The following TLN2 variants were observed in gnomAD, a reference collection of about 807,000 sequenced individuals.
TLN2 encodes talin-2.
A neutral mutation model predicts 294.7 loss-of-function variants in TLN2; 118 were observed. The ratio of observed to expected loss-of-function variants is 0.40; its 90% confidence interval spans 0.34 to 0.47. TLN2 has a LOEUF of 0.47. Among genes scored for constraint, TLN2 ranks in the 20% least tolerant of loss-of-function variants. The pLI, the probability that TLN2 is intolerant of heterozygous loss-of-function variation, is 0.84. For missense variants in TLN2, 3,083 were observed against 3,282.2 expected, an observed-to-expected ratio of 0.94 and a Z score of 1.48; for synonymous variants, 1,431 against 1,304.5, an observed-to-expected ratio of 1.10 and a Z score of -2.09.
intron 12 of TLN2, among the ~76,000 whole-genome samples, chr15:62,689,677 C>CT (rs2057610117): frequency 2.0e-5 from 3 of 151,546 alleles, no homozygotes; most frequent in African/African-American, 2.4e-5. Flanking sequence ...CAGTTCCTTT[C>CT]TTTTAGTATC....
At chr15:62,501,573 A>G (rs1217761594) in intron 1 of TLN2, among the ~76,000 whole-genome samples, 1 of 152,224 alleles carries the variant, frequency 6.6e-6, no homozygotes, top group Non-Finnish European at 1.5e-5. Flanking sequence ...CACACTTTGA[A>G]TAGTAAGACC....
chr15:62,753,683 A>G (rs2062063474), intron 35 of TLN2, 90 bp from the exon 36 acceptor site: 1 of 1,457,890 alleles, frequency 6.9e-7, no homozygotes, highest in African/African-American at 1.4e-5. Flanking sequence ...CCTGAGTGTG[A>G]CAGCTGCATG....
rs1567686580 is a variant in TLN2 at position 62,825,776 on chromosome 15, AATATAT to A, written c.7002+5167_7002+5172del. On this transcript the variant is annotated intron_variant, in intron 54 of 58. Transcript: ENST00000636159. ...ATATAATTATAATTATATATTATAT[AATATAT>A]TATATATTATAATATATATTATATA... Among the ~76,000 whole-genome samples, 127 of 28,686 alleles carry A rather than the reference AATATAT, an allele frequency of 4.4e-3. 13 individuals are homozygous for A. Among genetic ancestry groups the A allele is most frequent in the African/African-American group, 0.015 (122 of 8,020 alleles). The allele number at this position is 28,686 out of a possible 152,430, so 18.8% of individuals were successfully genotyped here. A position where few individuals can be genotyped will look rare whatever the true frequency, so the allele number is the denominator to read the frequency against.
intron 20 of TLN2, 36 bp downstream of exon 20, chr15:62,707,289 T>G: frequency 6.4e-7 from 1 of 1,566,548 alleles, no homozygotes; most frequent in Non-Finnish European, 8.7e-7. Context: ...TTCTACCCAG[T>G]ATCACCTGCT....
chr15:62,472,391 TC>T (rs995687212), intron 1 of TLN2, among the ~76,000 whole-genome samples: 2 of 152,190 alleles, frequency 1.3e-5, no homozygotes, highest in African/African-American at 4.8e-5. Flanking sequence ...TAGTGTGAGT[TC>T]CTGATAGGCA....
At chr15:62,824,405 A>G (rs1596134368) in intron 54 of TLN2, among the ~76,000 whole-genome samples, 1 of 152,300 alleles carries the variant, frequency 6.6e-6, no homozygotes, top group East Asian at 1.9e-4. Flanking sequence ...GTTCATTTTT[A>G]TCCTGATCTT....
At position 62,792,565 on chromosome 15, in the gene TLN2, A is replaced by G. The variant is rs191555988; in HGVS notation, c.5737-76A>G. ...CAGGCTCCCATAGGACATAGGAGAA[A>G]TTTTCCACGTAGGGAAGGCCTCGAT... On this transcript the variant is annotated intron_variant, in intron 45 of 58. Coordinates refer to ENST00000636159, the MANE Select transcript of TLN2 (RefSeq NM_015059.3). 7 of 1,564,008 alleles carry G rather than the reference A, an allele frequency of 4.5e-6. No individual in the cohort carries two copies. In the Admixed American group the frequency reaches 7.4e-5, roughly 17 times the overall value.
intron 1 of TLN2, among the ~76,000 whole-genome samples, chr15:62,478,835 T>C (rs1280877464): frequency 1.3e-5 from 2 of 152,242 alleles, no homozygotes; most frequent in Non-Finnish European, 2.9e-5. Flanking sequence ...TAAATTTTCA[T>C]TAGGCTTCTC....
chr15:62,680,678 A>T (rs2056746372), intron 11 of TLN2, among the ~76,000 whole-genome samples: 1 of 151,786 alleles, frequency 6.6e-6, no homozygotes, highest in African/African-American at 2.4e-5. Context: ...TGCTCCTGTC[A>T]CCCAAGCAGT....
At chr15:62,409,350 T>G (rs1167344559) in intron 1 of TLN2, among the ~76,000 whole-genome samples, 1 of 152,158 alleles carries the variant, frequency 6.6e-6, no homozygotes, top group Non-Finnish European at 1.5e-5. Flanking sequence ...CAGTCCTGCT[T>G]TTTACCAGAA....
At chr15:62,460,638 G>C (rs765010512) in intron 1 of TLN2, among the ~76,000 whole-genome samples, 14 of 152,198 alleles carry the variant, frequency 9.2e-5, no homozygotes, top group Non-Finnish European at 1.8e-4. Flanking sequence ...TCAGGTGCCA[G>C]TCCTCATGAT....
At chr15:62,758,119 C>T (rs1595894623) in intron 37 of TLN2, among the ~76,000 whole-genome samples, 2 of 152,074 alleles carry the variant, frequency 1.3e-5, no homozygotes, top group South Asian at 2.1e-4. Flanking sequence ...GAGGATGTGC[C>T]CAAGCCTAAA....
intron 1 of TLN2, among the ~76,000 whole-genome samples, chr15:62,494,936 C>G (rs966406838): frequency 3.9e-5 from 6 of 152,116 alleles, no homozygotes; most frequent in African/African-American, 1.4e-4. Flanking sequence ...TCCTTTTTCT[C>G]TGTTCCCGGA....
chr15:62,405,171 T>TA (rs1377717997), intron 1 of TLN2, among the ~76,000 whole-genome samples: 1 of 152,194 alleles, frequency 6.6e-6, no homozygotes, highest in Non-Finnish European at 1.5e-5. Flanking sequence ...AACCTGTCTG[T>TA]AATTCAGGGT....
chr15:62,614,496 A>G (rs1223388949), intron 2 of TLN2, among the ~76,000 whole-genome samples: 1 of 152,090 alleles, frequency 6.6e-6, no homozygotes, highest in Non-Finnish European at 1.5e-5. Flanking sequence ...CCTTTAAAAA[A>G]AATTATAGTT....
In TLN2 at chr15:62,739,562, T is replaced by C. The variant is rs1282995767; in HGVS notation, c.3885+17T>C. The C allele has an allele frequency of 6.2e-7, 1 of 1,613,684 alleles. No individual in the cohort carries two copies. Among genetic ancestry groups the C allele is most frequent in the South Asian group, 1.1e-5 (1 of 90,936 alleles). ...CAAGCTCAGGTGGGTGTGGAGGTGGTTGTCTGGAGTTGACCTTAGCCTCTC... is the reference window on the plus strand; with the variant it reads ...CAAGCTCAGGTGGGTGTGGAGGTGGCTGTCTGGAGTTGACCTTAGCCTCTC... On this transcript the variant is annotated intron_variant, in intron 31 of 58. Coordinates refer to ENST00000636159, the MANE Select transcript of TLN2 (RefSeq NM_015059.3).
intron 3 of TLN2, chr15:62,640,306 G>A (rs767082861): frequency 1.3e-5 from 6 of 455,924 alleles, no homozygotes; most frequent in African/African-American, 4.0e-5. Context: ...AGCAAGTACA[G>A]CCATCCAAAA....
chr15:62,412,401 T>C (rs561995622), intron 1 of TLN2, among the ~76,000 whole-genome samples: 1 of 152,360 alleles, frequency 6.6e-6, no homozygotes, highest in East Asian at 1.9e-4. Context: ...TCAAATCCTC[T>C]TGAACCTGTG....
chr15:62,665,587 C>T (rs1356213181), intron 9 of TLN2, among the ~76,000 whole-genome samples: 1 of 152,096 alleles, frequency 6.6e-6, no homozygotes, highest in Non-Finnish European at 1.5e-5. Context: ...TCTCACAGCC[C>T]CGCTTCCTGT....
Sources: allele counts gnomAD v4.1 joint callset (sites outside exome capture counted in the v4.1 genomes callset), GRCh38; gene constraint gnomAD v4.1.1; transcripts MANE v1.5; gene names NCBI Gene and HGNC (gene_info 2026-07-23, HGNC 2026-07-21).